The following UBR3 variants were observed in gnomAD, a reference collection of about 807,000 sequenced individuals.
The protein encoded by UBR3 is ubiquitin protein ligase E3 component n-recognin 3, also known as E3 ubiquitin-protein ligase UBR3.
Under a neutral mutation model 243.2 loss-of-function variants are expected in UBR3, and 85 were observed. That is an observed-to-expected ratio of 0.35 (90% confidence interval 0.29 to 0.42). The LOEUF is 0.42. Among genes scored for constraint, UBR3 ranks in the 10% least tolerant of loss-of-function variants. The pLI, the probability that UBR3 is intolerant of heterozygous loss-of-function variation, is 1.00. For synonymous variants in UBR3, 748 were observed against 799.8 expected (o/e 0.94, Z 1.09); for missense variants, 1,686 against 2,300.8 (o/e 0.73, Z 5.47).
At chr2:169,894,322 G>GAAAAAA (rs59525862) in intron 6 of UBR3, among the ~76,000 whole-genome samples, 3 of 78,244 alleles carry the variant, frequency 3.8e-5, no homozygotes, top group African/African-American at 1.1e-4. Flanking sequence ...TGACTCTTAA[G>GAAAAAA]AAAAAAAAAA....
intron 32 of UBR3, among the ~76,000 whole-genome samples, chr2:170,047,097 C>T (rs2091106371): frequency 6.6e-6 from 1 of 152,120 alleles, no homozygotes; most frequent in African/African-American, 2.4e-5. Flanking sequence ...TGGGCTCAAG[C>T]AGTCCTCCTG....
At chr2:169,910,553 A>G (rs920021573) in intron 10 of UBR3, among the ~76,000 whole-genome samples, 1 of 152,144 alleles carries the variant, frequency 6.6e-6, no homozygotes, top group African/African-American at 2.4e-5. Context: ...CACCTAATCT[A>G]TGAAGTAAAG....
chr2:169,858,817 C>T (rs2082982392), intron 1 of UBR3, among the ~76,000 whole-genome samples: 1 of 152,058 alleles, frequency 6.6e-6, no homozygotes, highest in Admixed American at 6.6e-5. Context: ...CCAGGCTGGT[C>T]TTGAACTCCT....
rs980697508 is a variant in UBR3, at chr2:169,966,130, T to A, written c.3634+7604T>A. Among the ~76,000 whole-genome samples, 3 of 152,216 alleles carry A rather than the reference T, an allele frequency of 2.0e-5. No homozygotes were observed. The East Asian group carries it at 5.8e-4, about 29-fold the overall frequency. On this transcript the variant is annotated intron_variant, in intron 24 of 38. Coordinates refer to ENST00000272793, the MANE Select transcript of UBR3 (RefSeq NM_172070.4). ...CTACATGAAGAGGCAGTATTACTTCTGCATTTCCTTTCATCCTTCTTTCTT... is the reference window on the plus strand; with the variant it reads ...CTACATGAAGAGGCAGTATTACTTCAGCATTTCCTTTCATCCTTCTTTCTT...
At chr2:170,019,694 T>A (rs1285960397) in intron 30 of UBR3, among the ~76,000 whole-genome samples, 2 of 151,912 alleles carry the variant, frequency 1.3e-5, no homozygotes, top group Non-Finnish European at 2.9e-5. Context: ...CAAAAAAAAA[T>A]TATAGAAAAT....
chr2:169,961,470 G>T (rs1166863254), intron 24 of UBR3, among the ~76,000 whole-genome samples: 1 of 152,008 alleles, frequency 6.6e-6, no homozygotes, highest in Non-Finnish European at 1.5e-5. Context: ...GGCATGCACT[G>T]CCATGCCTGG....
chr2:170,061,498 C>G lies in UBR3; in HGVS notation c.5019+55C>G, dbSNP rs544421942. 1.4e-5 allele frequency: 23 copies of G among 1,590,610 alleles called. No homozygotes were observed. In the South Asian group the frequency reaches 2.3e-4, roughly 16 times the overall value. On this transcript the variant is annotated intron_variant, in intron 35 of 38. Coordinates refer to ENST00000272793, the MANE Select transcript of UBR3 (RefSeq NM_172070.4). ...CTTTTTTTTTTTTCAGATGGAGTCT[C>G]TCTCTGTTGCCCAGACTGGAGTGCA...
chr2:169,946,141 C>G, intron 20 of UBR3, 147 bp from the exon 21 acceptor site: 1 of 347,572 alleles, frequency 2.9e-6, no homozygotes, highest in Non-Finnish European at 5.4e-6. Context: ...TTAGTGGACT[C>G]TGACATACCT....
At chr2:169,898,732 C>G (rs1485248425) in intron 8 of UBR3, among the ~76,000 whole-genome samples, 2 of 135,540 alleles carry the variant, frequency 1.5e-5, no homozygotes, top group African/African-American at 5.7e-5. Flanking sequence ...GACGGAGTCT[C>G]GCTCTGTCGC....
At chr2:169,863,365 C>T (rs1360147497) in intron 1 of UBR3, among the ~76,000 whole-genome samples, 1 of 152,132 alleles carries the variant, frequency 6.6e-6, no homozygotes, top group Non-Finnish European at 1.5e-5. Context: ...AATTTGTTAT[C>T]GGTTATGCTT....
At chr2:169,841,656 A>AATGGGGGACTTAGCACCCGGGCC (rs1395307179) in intron 1 of UBR3, among the ~76,000 whole-genome samples, 1 of 152,172 alleles carries the variant, frequency 6.6e-6, no homozygotes, top group African/African-American at 2.4e-5. Context: ...GGCCCCGGGC[A>AATGGGGGACTTAGCACCCGGGCC]ATGGGGGACT....
intron 24 of UBR3, 117 bp from the exon 25 acceptor site, chr2:169,986,528 G>A: frequency 1.1e-6 from 1 of 886,818 alleles, no homozygotes; most frequent in South Asian, 1.9e-5. Flanking sequence ...TTTTATTACT[G>A]TATACTTTAT....
intron 7 of UBR3, among the ~76,000 whole-genome samples, chr2:169,895,786 G>A (rs535413688): frequency 6.6e-6 from 1 of 152,314 alleles, no homozygotes; most frequent in South Asian, 2.1e-4. Context: ...ATGTTGGCAG[G>A]TGAAGTTTCT....
In UBR3 at chr2:169,947,997, A is replaced by C. The variant is rs988963387; in HGVS notation, c.3084+282A>C. The C allele has an allele frequency of 3.2e-6, 3 of 947,328 alleles. No individual in the cohort carries two copies. In the African/African-American group the frequency reaches 5.3e-5, roughly 17 times the overall value. The allele number at this position is 947,328 out of a possible 1,614,324, so 58.7% of individuals were successfully genotyped here. A position where few individuals can be genotyped will look rare whatever the true frequency, so the allele number is the denominator to read the frequency against. ...ATGGCTTTAACTGGAAATGGGGAAAAACCGCTTTGAAGTATTTGTGTGTGT... is the reference window on the plus strand; with the variant it reads ...ATGGCTTTAACTGGAAATGGGGAAACACCGCTTTGAAGTATTTGTGTGTGT... On this transcript the variant is annotated intron_variant, in intron 22 of 38. Coordinates refer to ENST00000272793, the MANE Select transcript of UBR3 (RefSeq NM_172070.4).
At chr2:169,965,107 G>T (rs1410524311) in intron 24 of UBR3, 1 of 363,752 alleles carries the variant, frequency 2.7e-6, no homozygotes, top group African/African-American at 2.1e-5. Context: ...CAAAAAGCCT[G>T]TTTGAGACCC....
At chr2:170,023,308 T>C (rs543253573) in intron 30 of UBR3, among the ~76,000 whole-genome samples, 20 of 152,300 alleles carry the variant, frequency 1.3e-4, no homozygotes, top group African/African-American at 3.8e-4. Context: ...TAACCATTGA[T>C]GACTAGACTG....
intron 32 of UBR3, among the ~76,000 whole-genome samples, chr2:170,047,057 C>T (rs2091105792): frequency 1.3e-5 from 2 of 152,018 alleles, no homozygotes; most frequent in Non-Finnish European, 2.9e-5. Context: ...TACAGTGGTA[C>T]AGTCATAACT....
rs182455700 is a variant in UBR3 at position 169,909,618 on chromosome 2, A to G, written c.1779+3454A>G. Among the ~76,000 whole-genome samples, 37 of 152,274 alleles carry G rather than the reference A, an allele frequency of 2.4e-4. 1 individual carries two copies. The Middle Eastern group carries it at 0.01, about 42-fold the overall frequency. ...ACTATAGTTAATAATAATGTATTTTACATTTCAGAATTGCTAAAGGAATAG... is the reference window on the plus strand; with the variant it reads ...ACTATAGTTAATAATAATGTATTTTGCATTTCAGAATTGCTAAAGGAATAG... On this transcript the variant is annotated intron_variant, in intron 10 of 38. Coordinates refer to ENST00000272793, the MANE Select transcript of UBR3 (RefSeq NM_172070.4).
At chr2:170,076,175 G>C (rs926439740) in intron 36 of UBR3, among the ~76,000 whole-genome samples, 5 of 152,156 alleles carry the variant, frequency 3.3e-5, no homozygotes, top group African/African-American at 1.2e-4. Flanking sequence ...AGGATCTTGT[G>C]TTGGGGACAG....
Sources: gnomAD v4.1 joint callset for allele counts (sites outside exome capture counted in the v4.1 genomes callset) on GRCh38, gnomAD v4.1.1 for gene constraint, MANE v1.5 for transcripts, NCBI Gene and HGNC (gene_info 2026-07-23, HGNC 2026-07-21) for gene names.